SASH1: variants seen among roughly 807,000 people sequenced by gnomAD.
SASH1 encodes the protein SAM and SH3 domain-containing protein 1.
A neutral mutation model predicts 125.2 loss-of-function variants in SASH1; 44 were observed. The observed-to-expected ratio is 0.35, with a 90% CI of 0.28 to 0.45. The LOEUF (loss-of-function observed/expected upper bound fraction) is 0.45. Ranked by LOEUF, SASH1 falls within the 20% of genes least tolerant of loss-of-function variation. The pLI, the probability that SASH1 is intolerant of heterozygous loss-of-function variation, is 1.00. For missense variants in SASH1, 1,426 were observed against 1,614.5 expected (o/e 0.88, Z 2.00); for synonymous variants, 639 against 649.1 (o/e 0.98, Z 0.24).
At chr6:148,247,393 A>C in the SASH1 span, among the ~76,000 whole-genome samples, 1 of 152,224 alleles carries the variant, frequency 6.6e-6, no homozygotes, top group South Asian at 2.1e-4. Flanking sequence ...ACACCAAGCT[A>C]AGATAGCCTG....
chr6:148,344,779 G>T (rs562841262), intron 1 of SASH1, among the ~76,000 whole-genome samples: 3 of 145,284 alleles, frequency 2.1e-5, no homozygotes, highest in African/African-American at 2.6e-5. Flanking sequence ...TTTTTGAGAC[G>T]AAGTCTTGCT....
chr6:148,325,733 G>A (rs1194357763), intron 1 of SASH1, among the ~76,000 whole-genome samples: 5 of 152,128 alleles, frequency 3.3e-5, no homozygotes, highest in African/African-American at 1.2e-4. Context: ...TTTGGGTGGA[G>A]ACACAGTCAA....
the SASH1 span, among the ~76,000 whole-genome samples, chr6:148,251,317 T>G: frequency 6.6e-6 from 1 of 152,218 alleles, no homozygotes; most frequent in South Asian, 2.1e-4. Context: ...GCTCCCTTTT[T>G]GTCCAATCAG....
At chr6:148,500,219 A>ATT (rs35731806) in intron 8 of SASH1, among the ~76,000 whole-genome samples, 5,664 of 145,858 alleles carry the variant, frequency 0.039, 142 homozygotes, top group Admixed American at 0.068. Flanking sequence ...CTGACAATAG[A>ATT]TTTTTTTTTT....
rs568845364 is a variant in SASH1 at position 148,519,125 on chromosome 6, C to T, written c.863-422C>T. Among the ~76,000 whole-genome samples, 1 of 152,334 alleles carries T rather than the reference C, an allele frequency of 6.6e-6. No homozygotes were observed. Among genetic ancestry groups the T allele is most frequent in the East Asian group, 1.9e-4 (1 of 5,186 alleles). ...TCAGCCACATGACATTTATCACACTCCAACTATAAAAAGCGACCAGAGCCA... is the reference window on the plus strand; with the variant it reads ...TCAGCCACATGACATTTATCACACTTCAACTATAAAAAGCGACCAGAGCCA... On this transcript the variant is annotated intron_variant, in intron 9 of 19. Transcript: ENST00000367467. This position sits in a 1 kb window ranked among gnomAD's most constrained non-coding sequence, Gnocchi z 4.8.
intron 2 of SASH1, among the ~76,000 whole-genome samples, chr6:148,422,774 G>T (rs62432287): frequency 1.5e-5 from 1 of 64,530 alleles, no homozygotes. Context: ...AACTTTGTCC[G>T]CCTGTTTCCA....
At chr6:148,267,703 C>T (rs1477713263), upstream of SASH1, among the ~76,000 whole-genome samples, 1 of 152,064 alleles carries the variant, frequency 6.6e-6, no homozygotes, top group Non-Finnish European at 1.5e-5. Flanking sequence ...TAAAGCTCCC[C>T]AAGTGATTCC....
intron 1 of SASH1, among the ~76,000 whole-genome samples, chr6:148,373,452 G>A (rs1474708070): frequency 6.6e-6 from 1 of 152,112 alleles, no homozygotes; most frequent in Non-Finnish European, 1.5e-5. Flanking sequence ...ACACATTGAA[G>A]CAGGAAAGAT....
At chr6:148,206,793 GCA>G in the SASH1 span, among the ~76,000 whole-genome samples, 3,606 of 134,382 alleles carry the variant, frequency 0.027, 63 homozygotes, top group African/African-American at 0.066. Context: ...CCATCTCAAA[GCA>G]CACACACACA....
At chr6:148,356,523 G>GTTTTTTTT (rs1562346767) in intron 1 of SASH1, among the ~76,000 whole-genome samples, 40 of 134,952 alleles carry the variant, frequency 3.0e-4, no homozygotes, top group Non-Finnish European at 3.9e-4. Flanking sequence ...TTGAGACTGG[G>GTTTTTTTT]TTTTGCTCTT....
chr6:148,461,384 C>A (rs1002005435), intron 4 of SASH1, among the ~76,000 whole-genome samples: 12 of 152,158 alleles, frequency 7.9e-5, no homozygotes, highest in African/African-American at 2.9e-4. Context: ...ATTGTTTTGA[C>A]CGGCTTGACA....
At chr6:148,465,205 A>G (rs1243155050) in intron 4 of SASH1, among the ~76,000 whole-genome samples, 1 of 152,138 alleles carries the variant, frequency 6.6e-6, no homozygotes, top group Non-Finnish European at 1.5e-5. Context: ...TTATTACATA[A>G]TAAGTTTTAT....
rs200708826 is a variant in SASH1 at position 148,482,688 on chromosome 6, A to ATTTTTTTTTTTTTT, written c.628-4921_628-4908dup. Among the ~76,000 whole-genome samples, 645 of 99,824 alleles carry ATTTTTTTTTTTTTT rather than the reference A, an allele frequency of 6.5e-3. 74 individuals are homozygous for ATTTTTTTTTTTTTT. Among genetic ancestry groups the ATTTTTTTTTTTTTT allele is most frequent in the African/African-American group, 0.025 (563 of 22,448 alleles). The allele number at this position is 99,824 out of a possible 152,430, so 65.5% of individuals were successfully genotyped here. A position where few individuals can be genotyped will look rare whatever the true frequency, so the allele number is the denominator to read the frequency against. On this transcript the variant is annotated intron_variant, in intron 7 of 19. Transcript: ENST00000367467. ...AGGCATGTGCCACCACACCTGGCTA[A>ATTTTTTTTTTTTTT]TTTTTTTTTTTTTTTTTTGAGAGAG... is the stretch of plus-strand genomic sequence containing the variant.
At chr6:148,201,843 G>T in the SASH1 span, among the ~76,000 whole-genome samples, 1 of 152,188 alleles carries the variant, frequency 6.6e-6, no homozygotes, top group Non-Finnish European at 1.5e-5. Context: ...ATGGGGATGT[G>T]CTTGAACATA....
Position 148,495,769 on chromosome 6 carries a change from G to A in SASH1, c.729+8054G>A, listed in dbSNP as rs1243119473. 1.3e-5 allele frequency among the ~76,000 whole-genome samples: 2 copies of A among 152,222 alleles called. No individual in the cohort carries two copies. The highest frequency in any genetic ancestry group is 2.9e-5 in the Non-Finnish European group (2 of 68,044). On this transcript the variant is annotated intron_variant, in intron 8 of 19. Coordinates refer to ENST00000367467, the MANE Select transcript of SASH1 (RefSeq NM_015278.5). This position sits in a 1 kb window ranked among gnomAD's most constrained non-coding sequence, Gnocchi z 4.0. ...ATACTGTAGTACTTCAGTCGGCGTT[G>A]TAGGTCCGGTGAAAGTATCCCCAAG... is the stretch of plus-strand genomic sequence containing the variant.
intron 2 of SASH1, among the ~76,000 whole-genome samples, chr6:148,395,186 AT>A (rs1783899153): frequency 6.6e-6 from 1 of 152,196 alleles, no homozygotes. Context: ...GCTTTGTTTC[AT>A]TCTAAATCTT....
chr6:148,390,171 A>G lies in SASH1; in HGVS notation c.194A>G (p.Gln65Arg), dbSNP rs1231231003. ...SLGNIDDLAQQYADYYNTCFS... is the reference protein window; with the variant it reads ...SLGNIDDLAQRYADYYNTCFS... ...GGAAACATCGATGACCTGGCGCAGC[A>G]GTATGCAGATTATTACAACACCTGT... Residue 65 changes from glutamine (Q) to arginine (R), a missense_variant, in exon 2 of 20, where the codon CAG becomes CGG. This residue lies in a region of SASH1 where 567 missense variants were observed against 575.6 expected (regional missense o/e 0.99). Coordinates refer to ENST00000367467, the MANE Select transcript of SASH1 (RefSeq NM_015278.5). 2 of 1,613,646 alleles carry G rather than the reference A, an allele frequency of 1.2e-6. No homozygotes were observed. The highest frequency in any genetic ancestry group is 2.7e-5 in the African/African-American group (2 of 74,926).
chr6:148,545,800 G>A (rs964047077), intron 18 of SASH1, among the ~76,000 whole-genome samples: 1 of 152,256 alleles, frequency 6.6e-6, no homozygotes, highest in African/African-American at 2.4e-5. Context: ...TTTGGGTTGG[G>A]TGTGGTGGCT....
At chr6:148,369,641 G>A (rs992345287) in intron 1 of SASH1, among the ~76,000 whole-genome samples, 11 of 113,220 alleles carry the variant, frequency 9.7e-5, no homozygotes, top group African/African-American at 4.0e-4. Context: ...CATACTGGCT[G>A]TTCCCTTTCC....
Sources: gnomAD v4.1 joint callset for allele counts (sites outside exome capture counted in the v4.1 genomes callset) on GRCh38, gnomAD v4.1.1 for gene constraint, gnomAD v4.1.1 regional missense constraint, Gnocchi (gnomAD v3.1) non-coding constraint, MANE v1.5 for transcripts, NCBI Gene and HGNC (gene_info 2026-07-23, HGNC 2026-07-21) for gene names.